The following BABAM2 variants were observed in gnomAD, a reference collection of about 807,000 sequenced individuals.
BABAM2 encodes the protein BRISC and BRCA1 A complex member 2.
BABAM2 carries 31 observed loss-of-function variants against 54.7 expected under a neutral mutation model. That is an observed-to-expected ratio of 0.57 (90% CI 0.43 to 0.77). The LOEUF is 0.77. Ranked by LOEUF, BABAM2 falls within the 30% of genes least tolerant of loss-of-function variation. The pLI, the probability that BABAM2 is intolerant of heterozygous loss-of-function variation, is 0.00. For missense variants in BABAM2, 364 were observed against 455.8 expected (o/e 0.80, Z 1.83); for synonymous variants, 167 against 162.9 (o/e 1.03, Z -0.19).
chr2:28,221,381 G>A (rs986868551), intron 7 of BABAM2, among the ~76,000 whole-genome samples: 1 of 152,200 alleles, frequency 6.6e-6, no homozygotes, highest in East Asian at 1.9e-4. Context: ...TGAGAAACAC[G>A]AAGTACGTCG....
chr2:28,143,528 G>C (rs373942514), intron 7 of BABAM2, among the ~76,000 whole-genome samples: 1 of 152,044 alleles, frequency 6.6e-6, no homozygotes, highest in African/African-American at 2.4e-5. Context: ...AAGTAACTAT[G>C]GAAAGTGATG....
chr2:28,087,950 G>A (rs1329924032), intron 6 of BABAM2, among the ~76,000 whole-genome samples: 1 of 152,006 alleles, frequency 6.6e-6, no homozygotes, highest in African/African-American at 2.4e-5. Flanking sequence ...ATGCCTGGCC[G>A]AGGTTTTGTT....
chr2:28,044,944 G>A (rs1558683373), intron 5 of BABAM2, among the ~76,000 whole-genome samples: 1 of 151,202 alleles, frequency 6.6e-6, no homozygotes, highest in East Asian at 1.9e-4. Context: ...AGCACCTCTA[G>A]ATCTCTGCAT....
At chr2:28,196,836 CTTTTTTTTTTTT>C (rs759950166) in intron 7 of BABAM2, among the ~76,000 whole-genome samples, 1 of 40,248 alleles carries the variant, frequency 2.5e-5, no homozygotes, top group East Asian at 1.0e-3. Context: ...GAGACCCTGT[CTTTTTTTTTTTT>C]TTTTTTTTTT....
intron 11 of BABAM2, among the ~76,000 whole-genome samples, chr2:28,305,976 T>G (rs1688484162): frequency 6.6e-6 from 1 of 152,218 alleles, no homozygotes. Flanking sequence ...TTGTGATTTC[T>G]TCTTGAACCA....
At chr2:28,330,599 G>T (rs901216081) in intron 11 of BABAM2, among the ~76,000 whole-genome samples, 13 of 152,070 alleles carry the variant, frequency 8.5e-5, no homozygotes, top group African/African-American at 3.1e-4. Context: ...CAAAGAGAAT[G>T]AAATACCTAG....
chr2:28,019,435 CTG>C (rs1366436779), intron 4 of BABAM2, among the ~76,000 whole-genome samples: 1 of 152,064 alleles, frequency 6.6e-6, no homozygotes, highest in Non-Finnish European at 1.5e-5. Flanking sequence ...TTCTCCCACT[CTG>C]TGGGTTGTCT....
At chr2:28,144,518 T>A (rs1671331564) in intron 7 of BABAM2, among the ~76,000 whole-genome samples, 1 of 152,200 alleles carries the variant, frequency 6.6e-6, no homozygotes, top group South Asian at 2.1e-4. Flanking sequence ...TACCCCCAGA[T>A]AATCTTGCAT....
At chr2:27,931,350 G>C in intron 3 of BABAM2, among the ~76,000 whole-genome samples, 1 of 152,098 alleles carries the variant, frequency 6.6e-6, no homozygotes, top group East Asian at 1.9e-4. Flanking sequence ...CCAGTTTCCT[G>C]AGAGAATCAC....
chr2:28,026,265 A>G (rs909647468), intron 5 of BABAM2, among the ~76,000 whole-genome samples: 2 of 152,226 alleles, frequency 1.3e-5, no homozygotes, highest in African/African-American at 4.8e-5. Context: ...TCATTTTACT[A>G]TAAAGACACA....
intron 10 of BABAM2, 95 bp from the exon 11 acceptor site, chr2:28,298,243 A>G: frequency 7.6e-7 from 1 of 1,317,660 alleles, no homozygotes; most frequent in Non-Finnish European, 1.1e-6. Flanking sequence ...TGGTTCAAAT[A>G]GAGTTTCGTA....
At position 28,237,274 on chromosome 2, in the gene BABAM2, T is replaced by A; in HGVS notation, c.753T>A (p.Pro251=). Residue 251 remains proline, a synonymous_variant, in exon 8 of 12, where the codon CCT becomes CCA. Coordinates refer to ENST00000379624, the MANE Select transcript of BABAM2 (RefSeq NM_199191.3). ...GAGGATGTCTCATTGATTACGTTCC[T>A]CAAGTATGCCACCTGCTCACCAACA... ...PGGGCLIDYV[P]QVCHLLTNKV... is the part of the protein sequence containing the mutation. 1 of 1,613,834 alleles carries A rather than the reference T, an allele frequency of 6.2e-7. No individual in the cohort carries two copies. The highest frequency in any genetic ancestry group is 1.1e-5 in the South Asian group (1 of 91,072).
At chr2:28,110,539 A>G (rs1573598399) in intron 6 of BABAM2, among the ~76,000 whole-genome samples, 1 of 151,892 alleles carries the variant, frequency 6.6e-6, no homozygotes. Flanking sequence ...CAGGAGAATC[A>G]CTTGAACCCG....
At chr2:27,900,060 A>C (rs975675433) in intron 2 of BABAM2, among the ~76,000 whole-genome samples, 1 of 152,194 alleles carries the variant, frequency 6.6e-6, no homozygotes. Context: ...CAAAACAATG[A>C]CAGAGTTAGG....
chr2:28,192,943 T>G (rs1346472564), intron 7 of BABAM2, among the ~76,000 whole-genome samples: 1 of 151,710 alleles, frequency 6.6e-6, no homozygotes, highest in African/African-American at 2.4e-5. Context: ...GAGGCCGAGA[T>G]GGGTGGATCG....
At chr2:27,949,066 C>G (rs758955084) in intron 3 of BABAM2, among the ~76,000 whole-genome samples, 2 of 152,266 alleles carry the variant, frequency 1.3e-5, no homozygotes, top group Middle Eastern at 3.4e-3. Context: ...TGCTGCTGTG[C>G]GAAGACTCTC....
At chr2:28,227,606 A>C (rs151181056) in intron 7 of BABAM2, among the ~76,000 whole-genome samples, 12 of 152,240 alleles carry the variant, frequency 7.9e-5, no homozygotes, top group African/African-American at 2.9e-4. Flanking sequence ...ACTAGGCCTT[A>C]AGAGCAGACC....
At chr2:28,014,760 G>C (rs774011612) in intron 4 of BABAM2, among the ~76,000 whole-genome samples, 1 of 151,136 alleles carries the variant, frequency 6.6e-6, no homozygotes, top group Non-Finnish European at 1.5e-5. Context: ...TTAAAACAGC[G>C]AGAGTGAGGA....
At chr2:28,025,153 T>A in intron 4 of BABAM2, 73 bp from the exon 5 acceptor site, 1 of 1,318,880 alleles carries the variant, frequency 7.6e-7, no homozygotes, top group Non-Finnish European at 1.0e-6. Context: ...TCTACATTGA[T>A]GTGTGAATGT....
Sources: gnomAD v4.1 joint callset for allele counts (sites outside exome capture counted in the v4.1 genomes callset) on GRCh38, gnomAD v4.1.1 for gene constraint, MANE v1.5 for transcripts, NCBI Gene and HGNC (gene_info 2026-07-23, HGNC 2026-07-21) for gene names.